The following ELAPOR2 variants were observed in gnomAD, a reference collection of about 807,000 sequenced individuals.
ELAPOR2 encodes the protein endosome-lysosome associated apoptosis and autophagy regulator family member 2, also known as endosome/lysosome-associated apoptosis and autophagy regulator family member 2.
A neutral mutation model predicts 120.7 loss-of-function variants in ELAPOR2; 89 were observed. That is an observed-to-expected ratio of 0.74 (90% CI 0.62 to 0.88). The LOEUF (loss-of-function observed/expected upper bound fraction) is 0.88. ELAPOR2 is among the 40% of genes least tolerant of loss of function. The pLI is 0.00. For missense variants in ELAPOR2, 1,134 were observed against 1,251.6 expected (o/e 0.91, Z 1.42); for synonymous variants, 444 against 444.9 (o/e 1.00, Z 0.03).
chr7:86,900,159 TAAA>T (rs1035272974), intron 18 of ELAPOR2, among the ~76,000 whole-genome samples: 3 of 151,726 alleles, frequency 2.0e-5, no homozygotes, highest in Admixed American at 2.0e-4. Context: ...AGTAAGGAAA[TAAA>T]AAACAGTTTA....
At chr7:86,943,646 G>T (rs1790888850) in intron 4 of ELAPOR2, among the ~76,000 whole-genome samples, 1 of 151,960 alleles carries the variant, frequency 6.6e-6, no homozygotes, top group Admixed American at 6.6e-5. Context: ...AACTTATTGG[G>T]CAATACAAAT....
intron 21 of ELAPOR2, among the ~76,000 whole-genome samples, chr7:86,883,080 C>T (rs1584298698): frequency 6.7e-6 from 1 of 150,152 alleles, no homozygotes; most frequent in South Asian, 2.1e-4. Flanking sequence ...TGTGTCCTCC[C>T]CTAATATTCT....
chr7:86,939,069 G>A (rs1420124934), intron 6 of ELAPOR2, 109 bp from the exon 7 acceptor site: 1 of 1,170,968 alleles, frequency 8.5e-7, no homozygotes. Flanking sequence ...TGAACAGTAA[G>A]GTCAGCCCAA....
intron 1 of ELAPOR2, among the ~76,000 whole-genome samples, chr7:87,036,053 T>C (rs1242288199): frequency 6.6e-6 from 1 of 152,264 alleles, no homozygotes; most frequent in Non-Finnish European, 1.5e-5. Context: ...GGAGATGTTC[T>C]TTCAGTTTAG....
chr7:86,918,524 C>A lies in ELAPOR2; in HGVS notation c.1511G>T (p.Gly504Val), dbSNP rs1251974476. Reference sequence around the variant, plus strand: ...TCTTCCTAGTTCAGAACCCGTGGCTCCAGTCATAGATGTTGGTGGTCTATT... The same window carrying A: ...TCTTCCTAGTTCAGAACCCGTGGCTACAGTCATAGATGTTGGTGGTCTATT... ...PGFKPPTSMT[G>V]ATGSELGRIT... is the part of the protein sequence containing the mutation. The change falls in exon 12 of 22, where the codon GGA becomes GTA. Residue 504 changes from glycine to valine, a missense_variant. This residue lies in a region of ELAPOR2 where 831 missense variants were observed against 867.6 expected (regional missense o/e 0.96). Coordinates refer to ENST00000450689, the MANE Select transcript of ELAPOR2 (RefSeq NM_001142749.3). 3.7e-6 allele frequency: 6 copies of A among 1,610,900 alleles called. No individual in the cohort carries two copies. The highest frequency in any genetic ancestry group is 4.2e-6 in the Non-Finnish European group (5 of 1,177,398).
intron 1 of ELAPOR2, among the ~76,000 whole-genome samples, chr7:86,996,881 G>C (rs1007482625): frequency 5.9e-5 from 9 of 152,124 alleles, no homozygotes; most frequent in African/African-American, 2.2e-4. Flanking sequence ...GTAGAACAGA[G>C]AGAAGCCCAG....
At chr7:86,961,292 A>G (rs1427867628) in intron 2 of ELAPOR2, among the ~76,000 whole-genome samples, 2 of 152,202 alleles carry the variant, frequency 1.3e-5, no homozygotes, top group Non-Finnish European at 2.9e-5. Context: ...AGAACAAATT[A>G]ATGGAAAAAA....
At chr7:86,931,532 T>C (rs1377288962) in intron 8 of ELAPOR2, among the ~76,000 whole-genome samples, 1 of 151,944 alleles carries the variant, frequency 6.6e-6, no homozygotes, top group Non-Finnish European at 1.5e-5. Flanking sequence ...TCCCCTTTTG[T>C]CAAAATTTTC....
intron 1 of ELAPOR2, among the ~76,000 whole-genome samples, chr7:87,000,206 A>G (rs1793267821): frequency 6.6e-6 from 1 of 152,142 alleles, no homozygotes; most frequent in African/African-American, 2.4e-5. Flanking sequence ...ACACACACAC[A>G]AAAGGAGACG....
chr7:87,048,441 TAGAC>T (rs992288641), intron 1 of ELAPOR2, among the ~76,000 whole-genome samples: 3 of 152,040 alleles, frequency 2.0e-5, no homozygotes, highest in African/African-American at 4.8e-5. Context: ...AGTGAACTCA[TAGAC>T]AGAGAGATTA....
Position 86,912,963 on chromosome 7 carries a change from C to T in ELAPOR2, c.1973G>A (p.Gly658Glu). Residue 658 changes from glycine to glutamate, a missense_variant, in exon 14 of 22, where the codon GGG becomes GAG. By Grantham distance (98) the Gly-to-Glu change is moderately conservative. This residue lies in a region of ELAPOR2 where 831 missense variants were observed against 867.6 expected (regional missense o/e 0.96). Coordinates refer to ENST00000450689, the MANE Select transcript of ELAPOR2 (RefSeq NM_001142749.3). ...TACCTGATTGTTTTTACTCCCAGGC[C>T]CGCATGGAATACAAGCCTCTTTGCC... is the stretch of plus-strand genomic sequence containing the variant. ...VYGKEACIPC[G>E]PGSKNNQDHS... The T allele has an allele frequency of 6.2e-7, 1 of 1,613,986 alleles. No homozygotes were observed. Among genetic ancestry groups the T allele is most frequent in the South Asian group, 1.1e-5 (1 of 91,078 alleles).
At position 86,986,209 on chromosome 7, in the gene ELAPOR2, C is replaced by T. The variant is rs1792729788; in HGVS notation, c.190-21185G>A. Among the ~76,000 whole-genome samples, 2 of 121,216 alleles carry T rather than the reference C, an allele frequency of 1.6e-5. 1 individual carries two copies. Among genetic ancestry groups the T allele is most frequent in the Admixed American group, 1.6e-4 (2 of 12,744 alleles). 79.5% of individuals were successfully genotyped at this position (121,216 alleles called of 152,430 possible). ...CTTTGGGAGGCCGAGGCGGGCGGAT[C>T]ACGAGGTCAGGAGATCGAGACCATC... On this transcript the variant is annotated intron_variant, in intron 1 of 21. Transcript: ENST00000450689.
In ELAPOR2 at chr7:87,059,418, G is replaced by A. The variant is rs1795362198; in HGVS notation, c.96C>T (p.Ala32=). 1 of 1,238,914 alleles carries A rather than the reference G, an allele frequency of 8.1e-7. No individual in the cohort carries two copies. Among genetic ancestry groups the A allele is most frequent in the South Asian group, 4.1e-5 (1 of 24,338 alleles). 76.7% of individuals were successfully genotyped at this position (1,238,914 alleles called of 1,614,324 possible). A position where few individuals can be genotyped will look rare whatever the true frequency, so the allele number is the denominator to read the frequency against. ...RRGRSPPWSP[A]WICCWALAGC... is the part of the protein sequence containing the mutation. ...CGGCGAGCGCCCAGCAGCAAATCCAGGCGGGGCTCCAGGGCGGCGAGCGCC... is the reference window on the plus strand; with the variant it reads ...CGGCGAGCGCCCAGCAGCAAATCCAAGCGGGGCTCCAGGGCGGCGAGCGCC... The change falls in exon 1 of 22, where the codon GCC becomes GCT. Residue 32 remains alanine, a synonymous_variant. Transcript: ENST00000450689.
intron 2 of ELAPOR2, among the ~76,000 whole-genome samples, chr7:86,960,617 C>A (rs1391846700): frequency 6.6e-6 from 1 of 152,128 alleles, no homozygotes; most frequent in Non-Finnish European, 1.5e-5. Context: ...ATATTTAATT[C>A]TCCTACTATT....
chr7:87,034,754 G>C (rs1473145864), intron 1 of ELAPOR2, among the ~76,000 whole-genome samples: 1 of 152,076 alleles, frequency 6.6e-6, no homozygotes, highest in African/African-American at 2.4e-5. Flanking sequence ...TTACACTGTA[G>C]CATTCTTAGA....
Position 86,892,939 on chromosome 7 carries a change from G to A in ELAPOR2, c.2847C>T (p.Phe949=). Residue 949 remains phenylalanine, a synonymous_variant, in exon 20 of 22, where the codon TTC becomes TTT. Coordinates refer to ENST00000450689, the MANE Select transcript of ELAPOR2 (RefSeq NM_001142749.3). ...AVLLVALTCY[F]WKKNQKLEYK... ...GTACTTACTTTTGATTCTTTTTCCA[G>A]AAGTAGCAGGTCAGAGCCACCAGCA... 1 of 1,545,678 alleles carries A rather than the reference G, an allele frequency of 6.5e-7. No homozygotes were observed. Among genetic ancestry groups the A allele is most frequent in the South Asian group, 1.3e-5 (1 of 78,462 alleles).
intron 1 of ELAPOR2, 33 bp from the exon 2 acceptor site, chr7:86,965,057 G>A: frequency 6.4e-7 from 1 of 1,550,892 alleles, no homozygotes; most frequent in South Asian, 1.2e-5. Context: ...GCCTTTGTTA[G>A]AGCCAGTTCT....
At chr7:87,024,107 AT>A (rs1163738374) in intron 1 of ELAPOR2, among the ~76,000 whole-genome samples, 1 of 152,116 alleles carries the variant, frequency 6.6e-6, no homozygotes, top group Non-Finnish European at 1.5e-5. Context: ...ACTATGTTGA[AT>A]AGGAGTGGAG....
rs1189962601 is a variant in ELAPOR2, at chr7:86,878,021, C to T, written c.*2450G>A. ...TGATTTAAATACGTTTTGACGAGTG[C>T]TAAGAGATGTTATAGGCAACAGTTG... On this transcript the variant is annotated 3_prime_UTR_variant, in exon 22 of 22. Coordinates refer to ENST00000450689, the MANE Select transcript of ELAPOR2 (RefSeq NM_001142749.3). The T allele has an allele frequency of 1.3e-5, 2 of 152,056 alleles. No individual in the cohort carries two copies. Among genetic ancestry groups the T allele is most frequent in the African/African-American group, 4.8e-5 (2 of 41,414 alleles). 9.4% of individuals were successfully genotyped at this position (152,056 alleles called of 1,614,324 possible).
Sources: gnomAD v4.1 joint callset for allele counts (sites outside exome capture counted in the v4.1 genomes callset) on GRCh38, gnomAD v4.1.1 for gene constraint, gnomAD v4.1.1 regional missense constraint, MANE v1.5 for transcripts, NCBI Gene and HGNC (gene_info 2026-07-23, HGNC 2026-07-21) for gene names.